Variants in ZFHX3 observed in about 807,000 individuals in gnomAD.
ZFHX3 encodes zinc finger homeobox protein 3.
ZFHX3 carries 42 observed loss-of-function variants against 279.1 expected under a neutral mutation model. The observed-to-expected ratio is 0.15, with a 90% CI of 0.12 to 0.19. ZFHX3 has a LOEUF of 0.19. ZFHX3 is among the 10% of genes least tolerant of loss of function. The probability of loss-of-function intolerance (pLI) is 1.00; values close to 1 mark genes in which losing one functional copy is unlikely to be tolerated. For missense variants in ZFHX3, 4,981 were observed against 4,754.0 expected, an observed-to-expected ratio of 1.05 and a Z score of -1.40; for synonymous variants, 2,293 against 1,957.8, an observed-to-expected ratio of 1.17 and a Z score of -4.52.
intron 1 of ZFHX3, among the ~76,000 whole-genome samples, chr16:73,875,496 T>G (rs2029918743): frequency 6.6e-6 from 1 of 152,180 alleles, no homozygotes. Flanking sequence ...ATTAAAAGAT[T>G]TATATTTTTC....
At chr16:73,700,840 T>C (rs879289650) in intron 1 of ZFHX3, among the ~76,000 whole-genome samples, 1 of 152,216 alleles carries the variant, frequency 6.6e-6, no homozygotes, top group Non-Finnish European at 1.5e-5. Context: ...TTTATTTTTT[T>C]AGTAACTCAA....
At chr16:73,595,562 T>A (rs964718018) in intron 2 of ZFHX3, among the ~76,000 whole-genome samples, 4 of 152,176 alleles carry the variant, frequency 2.6e-5, no homozygotes, top group African/African-American at 9.7e-5. Flanking sequence ...TGGGCCTTTG[T>A]CCATTTTGAC....
In ZFHX3 at chr16:73,354,253, G is replaced by C. The variant is rs190845129; in HGVS notation, c.-1290-35917C>G. On this transcript the variant is annotated intron_variant, in intron 3 of 17. Coordinates refer to the ZFHX3 transcript ENST00000641206. ...GAACTGGCATCTTATATTTCATCTG[G>C]CATCCCTAGACAGAGGCATTATGAG... Among the ~76,000 whole-genome samples, 669 of 152,182 alleles carry C rather than the reference G, an allele frequency of 4.4e-3. 9 individuals are homozygous for C. Among genetic ancestry groups the C allele is most frequent in the African/African-American group, 0.015 (641 of 41,512 alleles).
chr16:73,866,522 A>T (rs1028579719), intron 1 of ZFHX3, among the ~76,000 whole-genome samples: 1 of 152,114 alleles, frequency 6.6e-6, no homozygotes, highest in African/African-American at 2.4e-5. Context: ...CTGAAAACTC[A>T]TGAAAAGTCC....
At chr16:72,891,527 T>C (rs2038773781) in intron 3 of ZFHX3, among the ~76,000 whole-genome samples, 1 of 152,162 alleles carries the variant, frequency 6.6e-6, no homozygotes, top group South Asian at 2.1e-4. Context: ...GCCATCTCCT[T>C]CATTCCAATG....
At chr16:73,652,580 G>A (rs895804549) in intron 2 of ZFHX3, among the ~76,000 whole-genome samples, 5 of 152,144 alleles carry the variant, frequency 3.3e-5, no homozygotes, top group African/African-American at 4.8e-5. Flanking sequence ...ACATTGACAC[G>A]AAATTAGTGA....
chr16:73,870,355 A>G (rs1267040530), intron 1 of ZFHX3, among the ~76,000 whole-genome samples: 2 of 152,162 alleles, frequency 1.3e-5, no homozygotes, highest in Non-Finnish European at 2.9e-5. Context: ...AATCCTGGGA[A>G]TCACGAAGCG....
At chr16:73,207,469 T>C (rs1008685994) in intron 5 of ZFHX3, among the ~76,000 whole-genome samples, 1 of 152,154 alleles carries the variant, frequency 6.6e-6, no homozygotes, top group Non-Finnish European at 1.5e-5. Context: ...GACCAGTTGG[T>C]TCATTTGGTT....
intron 5 of ZFHX3, among the ~76,000 whole-genome samples, chr16:73,205,156 G>A (rs2011751843): frequency 6.6e-6 from 1 of 152,134 alleles, no homozygotes; most frequent in South Asian, 2.1e-4. Context: ...GTGAAGGGCT[G>A]AGTCCCAAAA....
chr16:73,539,425 C>CTCT (rs1371612758), intron 2 of ZFHX3, among the ~76,000 whole-genome samples: 53 of 131,556 alleles, frequency 4.0e-4, no homozygotes, highest in African/African-American at 1.2e-3. Context: ...TTTTCCCTTC[C>CTCT]TCTTCTTCTT....
chr16:73,375,998 T>C (rs1305209765), intron 3 of ZFHX3, among the ~76,000 whole-genome samples: 1 of 152,252 alleles, frequency 6.6e-6, no homozygotes, highest in Admixed American at 6.5e-5. Flanking sequence ...TTTATACCTC[T>C]GTAAATATTT....
chr16:73,842,924 T>C (rs1254630880), intron 1 of ZFHX3, among the ~76,000 whole-genome samples: 1 of 152,252 alleles, frequency 6.6e-6, no homozygotes, highest in African/African-American at 2.4e-5. Flanking sequence ...ACACTTATTT[T>C]TCTTTAATTC....
chr16:72,926,219 C>T (rs1313719854), intron 3 of ZFHX3, among the ~76,000 whole-genome samples: 1 of 152,188 alleles, frequency 6.6e-6, no homozygotes, highest in Non-Finnish European at 1.5e-5. Flanking sequence ...TATAGCTAAA[C>T]TCAAACTAGA....
At chr16:73,110,277 G>A (rs1438970537) in intron 7 of ZFHX3, among the ~76,000 whole-genome samples, 1 of 151,688 alleles carries the variant, frequency 6.6e-6, no homozygotes, top group Non-Finnish European at 1.5e-5. Context: ...TCATGTACTT[G>A]TGCAAGTATC....
chr16:72,867,769 G>A (rs2038057899), intron 4 of ZFHX3, among the ~76,000 whole-genome samples: 1 of 151,670 alleles, frequency 6.6e-6, no homozygotes, highest in South Asian at 2.1e-4. Flanking sequence ...CTGTGCCCAG[G>A]CACTATTTTC....
intron 3 of ZFHX3, among the ~76,000 whole-genome samples, chr16:73,356,901 A>C (rs560319292): frequency 1.3e-4 from 20 of 150,076 alleles, no homozygotes; most frequent in Admixed American, 6.0e-4. Context: ...GGTGCCCAAG[A>C]GCTAACAGGG....
intron 1 of ZFHX3, among the ~76,000 whole-genome samples, chr16:73,685,547 T>TCTTTATTG (rs2053074053): frequency 6.6e-6 from 1 of 152,220 alleles, no homozygotes; most frequent in African/African-American, 2.4e-5. Context: ...AATGAGACCC[T>TCTTTATTG]TCTCAGATTT....
chr16:73,818,601 C>A (rs1239692471), intron 1 of ZFHX3, among the ~76,000 whole-genome samples: 1 of 152,188 alleles, frequency 6.6e-6, no homozygotes, highest in South Asian at 2.1e-4. Context: ...GACACCCACA[C>A]TCAATTCAAC....
At chr16:73,467,339 A>G (rs1030967445) in intron 2 of ZFHX3, among the ~76,000 whole-genome samples, 4 of 152,224 alleles carry the variant, frequency 2.6e-5, no homozygotes, top group Non-Finnish European at 5.9e-5. Flanking sequence ...GTGTTGGAAT[A>G]GACAAGAGAA....
Sources: allele counts gnomAD v4.1 joint callset (sites outside exome capture counted in the v4.1 genomes callset), GRCh38; gene constraint gnomAD v4.1.1; transcripts MANE v1.5; gene names NCBI Gene and HGNC (gene_info 2026-07-23, HGNC 2026-07-21).